Variants in POT1 observed in about 807,000 individuals in gnomAD.
The protein encoded by POT1 is protection of telomeres protein 1.
A neutral mutation model predicts 78.5 loss-of-function variants in POT1; 47 were observed. That is an observed-to-expected ratio of 0.60 (90% CI 0.47 to 0.76). The LOEUF is 0.76. Ranked by LOEUF, POT1 falls within the 30% of genes least tolerant of loss-of-function variation. The pLI is 0.00. For synonymous variants in POT1, 259 were observed against 260.7 expected (o/e 0.99, Z 0.06); for missense variants, 646 against 749.9 (o/e 0.86, Z 1.62).
intron 14 of POT1, chr7:124,837,231 A>G (rs780966657): frequency 2.4e-5 from 7 of 289,358 alleles, no homozygotes; most frequent in Non-Finnish European, 4.8e-5. Flanking sequence ...TATGAGAGTT[A>G]AAGATAAAAT....
chr7:124,850,304 T>C (rs780185939), intron 11 of POT1, among the ~76,000 whole-genome samples: 10 of 152,220 alleles, frequency 6.6e-5, no homozygotes, highest in Non-Finnish European at 1.5e-4. Flanking sequence ...CTTGAATCTG[T>C]CTTGCTTTGT....
intron 11 of POT1, among the ~76,000 whole-genome samples, chr7:124,849,771 T>A (rs1795259893): frequency 6.6e-6 from 1 of 152,156 alleles, no homozygotes; most frequent in African/African-American, 2.4e-5. Context: ...TATGCAACTA[T>A]AATGAATTTG....
chr7:124,878,275 T>A (rs1796037228), intron 6 of POT1, among the ~76,000 whole-genome samples: 1 of 151,842 alleles, frequency 6.6e-6, no homozygotes, highest in African/African-American at 2.4e-5. Context: ...GAGGTTGTAG[T>A]AAGCTGAGAT....
At chr7:124,851,653 A>G (rs1197129113) in intron 11 of POT1, among the ~76,000 whole-genome samples, 1 of 152,236 alleles carries the variant, frequency 6.6e-6, no homozygotes, top group Non-Finnish European at 1.5e-5. Context: ...ATCATAATCA[A>G]GTAATCACTA....
At chr7:124,886,481 G>A (rs956254729) in intron 6 of POT1, among the ~76,000 whole-genome samples, 5 of 152,070 alleles carry the variant, frequency 3.3e-5, no homozygotes, top group Non-Finnish European at 7.4e-5. Flanking sequence ...AACTGTAACT[G>A]AAGTTACTAG....
chr7:124,885,591 C>G (rs1197813340), intron 6 of POT1, among the ~76,000 whole-genome samples: 1 of 151,838 alleles, frequency 6.6e-6, no homozygotes, highest in Non-Finnish European at 1.5e-5. Context: ...ACAGTGAAAC[C>G]CTGTCTCTAC....
At chr7:124,832,101 C>T (rs1794775832) in intron 15 of POT1, among the ~76,000 whole-genome samples, 1 of 150,432 alleles carries the variant, frequency 6.6e-6, no homozygotes, top group African/African-American at 2.4e-5. Context: ...AACCCCATCC[C>T]TACAAAAATT....
chr7:124,898,332 A>C lies in POT1; in HGVS notation c.-111T>G, dbSNP rs1796542813. 1 of 151,778 alleles carries C rather than the reference A, an allele frequency of 6.6e-6. No individual in the cohort carries two copies. Among genetic ancestry groups the C allele is most frequent in the Non-Finnish European group, 1.5e-5 (1 of 67,890 alleles). The allele number at this position is 151,778 out of a possible 1,614,324, so 9.4% of individuals were successfully genotyped here. ...GGTTTACCATCTCTGCTTGTAGATG[A>C]AGAAGCTAAAAAAACAATAAATCTA... On this transcript the variant is annotated 5_prime_UTR_variant, in exon 4 of 19. Coordinates refer to ENST00000357628, the MANE Select transcript of POT1 (RefSeq NM_015450.3).
intron 5 of POT1, among the ~76,000 whole-genome samples, 157 bp downstream of exon 5, chr7:124,897,008 C>T (rs1258988112): frequency 2.6e-5 from 4 of 151,536 alleles, no homozygotes; most frequent in Admixed American, 6.6e-5. Context: ...ATAACATTAT[C>T]AGCTATAAAA....
intron 14 of POT1, among the ~76,000 whole-genome samples, chr7:124,838,784 T>C: frequency 6.6e-6 from 1 of 152,154 alleles, no homozygotes. Flanking sequence ...TTTGTATTTT[T>C]AGTAGAGACA....
intron 3 of POT1, among the ~76,000 whole-genome samples, chr7:124,915,309 T>C (rs964678395): frequency 6.6e-6 from 1 of 152,194 alleles, no homozygotes; most frequent in Non-Finnish European, 1.5e-5. Flanking sequence ...GAATTCTCCC[T>C]GTGTAAGAAC....
At chr7:124,881,105 G>A (rs1032084163) in intron 6 of POT1, among the ~76,000 whole-genome samples, 3 of 151,982 alleles carry the variant, frequency 2.0e-5, no homozygotes, top group African/African-American at 7.2e-5. Context: ...TCTAAGAGAT[G>A]TGTAGTTAGG....
chr7:124,841,913 C>T (rs1222835740), intron 13 of POT1, among the ~76,000 whole-genome samples: 1 of 151,920 alleles, frequency 6.6e-6, no homozygotes, highest in East Asian at 1.9e-4. Context: ...TCCCAACCAC[C>T]ATTTCAAGCT....
chr7:124,897,422 A>T, intron 4 of POT1, among the ~76,000 whole-genome samples: 2 of 151,884 alleles, frequency 1.3e-5, no homozygotes, highest in South Asian at 4.1e-4. Context: ...TATAAGGTCA[A>T]ATGAAAATGT....
chr7:124,826,765 G>A (rs1433920165), intron 17 of POT1, among the ~76,000 whole-genome samples: 1 of 152,150 alleles, frequency 6.6e-6, no homozygotes, highest in Non-Finnish European at 1.5e-5. Flanking sequence ...AGCTACTTGG[G>A]AGGCTGAGGC....
intron 6 of POT1, among the ~76,000 whole-genome samples, chr7:124,883,223 C>A (rs763581067): frequency 6.6e-6 from 1 of 151,938 alleles, no homozygotes; most frequent in South Asian, 2.1e-4. Flanking sequence ...ACTCATCATT[C>A]AATTTGAAAA....
chr7:124,842,069 T>C (rs1046579205), intron 13 of POT1, among the ~76,000 whole-genome samples: 3 of 151,982 alleles, frequency 2.0e-5, no homozygotes, highest in Admixed American at 6.6e-5. Flanking sequence ...CACAAATACA[T>C]GGCGATGTAC....
intron 2 of POT1, among the ~76,000 whole-genome samples, chr7:124,922,163 A>C (rs888860407): frequency 1.1e-4 from 16 of 152,076 alleles, no homozygotes; most frequent in African/African-American, 2.7e-4. Flanking sequence ...TATATCCTTG[A>C]AAACAAACAT....
chr7:124,916,607 A>T (rs1299399364), intron 2 of POT1, among the ~76,000 whole-genome samples: 2 of 152,174 alleles, frequency 1.3e-5, no homozygotes, highest in Non-Finnish European at 2.9e-5. Context: ...AATGAGAAAA[A>T]AATAGTTACA....
Sources: allele counts gnomAD v4.1 joint callset (sites outside exome capture counted in the v4.1 genomes callset), GRCh38; gene constraint gnomAD v4.1.1; transcripts MANE v1.5; gene names NCBI Gene and HGNC (gene_info 2026-07-23, HGNC 2026-07-21).